The following CACNA2D3 variants were observed in gnomAD, a reference collection of about 807,000 sequenced individuals.
The protein encoded by CACNA2D3 is calcium voltage-gated channel auxiliary subunit alpha2delta 3, also known as voltage-dependent calcium channel subunit alpha-2/delta-3.
In CACNA2D3, 60 loss-of-function variants were observed where a neutral mutation model predicts 160.6. The observed-to-expected ratio is 0.37, with a 90% CI of 0.30 to 0.46. CACNA2D3 has a LOEUF of 0.46. Among genes scored for constraint, CACNA2D3 ranks in the 20% least tolerant of loss-of-function variants. CACNA2D3 has a pLI of 1.00. For missense variants in CACNA2D3, 1,205 were observed against 1,365.0 expected (o/e 0.88, Z 1.85); for synonymous variants, 558 against 492.9 (o/e 1.13, Z -1.75).
chr3:55,005,329 A>G (rs921001112), intron 32 of CACNA2D3, among the ~76,000 whole-genome samples: 1 of 152,206 alleles, frequency 6.6e-6, no homozygotes, highest in African/African-American at 2.4e-5. Context: ...CCACTGCTAT[A>G]TCAACTGAAA....
chr3:54,561,144 T>C (rs1702318433), intron 5 of CACNA2D3, among the ~76,000 whole-genome samples: 1 of 152,260 alleles, frequency 6.6e-6, no homozygotes, highest in Admixed American at 6.5e-5. Flanking sequence ...GGATTAGCAT[T>C]CAATCTATGA....
At chr3:54,854,996 A>T (rs1236587488) in intron 17 of CACNA2D3, among the ~76,000 whole-genome samples, 1 of 152,146 alleles carries the variant, frequency 6.6e-6, no homozygotes, top group African/African-American at 2.4e-5. Context: ...AAGCTTATTC[A>T]ACTGAAAGAA....
chr3:54,850,482 C>T lies in CACNA2D3; in HGVS notation c.1626+4015C>T, dbSNP rs546146664. On this transcript the variant is annotated intron_variant, in intron 17 of 37. Coordinates refer to ENST00000474759, the MANE Select transcript of CACNA2D3 (RefSeq NM_018398.3). ...TTTGTTTTCTTGCTTTTTATAATTC[C>T]TTTGTATTTGAGAGCTTTAGGAATT... Among the ~76,000 whole-genome samples, 5 of 152,190 alleles carry T rather than the reference C, an allele frequency of 3.3e-5. No individual in the cohort carries two copies. In the South Asian group the frequency reaches 1.0e-3, roughly 31 times the overall value.
chr3:54,685,139 A>G (rs766752211), intron 11 of CACNA2D3, among the ~76,000 whole-genome samples: 4 of 152,180 alleles, frequency 2.6e-5, no homozygotes, highest in Non-Finnish European at 5.9e-5. Flanking sequence ...CAACAGCCGA[A>G]AAATGCAGAG....
At chr3:54,488,083 C>A (rs187641614) in intron 4 of CACNA2D3, among the ~76,000 whole-genome samples, 2 of 152,304 alleles carry the variant, frequency 1.3e-5, no homozygotes, top group Admixed American at 6.5e-5. Context: ...ACAGTAAATG[C>A]AAACATTCTG....
chr3:54,755,018 C>G (rs1448337651), intron 12 of CACNA2D3, among the ~76,000 whole-genome samples: 4 of 152,154 alleles, frequency 2.6e-5, no homozygotes, highest in African/African-American at 4.8e-5. Flanking sequence ...ATTCTTCTTC[C>G]TTGTAGATAG....
intron 11 of CACNA2D3, among the ~76,000 whole-genome samples, chr3:54,680,389 G>A (rs1241838872): frequency 5.3e-5 from 8 of 152,218 alleles, no homozygotes; most frequent in African/African-American, 1.9e-4. Flanking sequence ...TTCTGAGGCT[G>A]TGCTGATGAA....
chr3:54,159,850 T>A (rs1052880287), intron 2 of CACNA2D3, among the ~76,000 whole-genome samples: 5 of 152,156 alleles, frequency 3.3e-5, no homozygotes, highest in South Asian at 4.1e-4. Flanking sequence ...GACAAAATCA[T>A]GAATAGGAAA....
chr3:54,862,819 G>A (rs139843004), intron 17 of CACNA2D3, among the ~76,000 whole-genome samples: 4 of 152,278 alleles, frequency 2.6e-5, no homozygotes, highest in African/African-American at 7.2e-5. Flanking sequence ...ACATTTTGTA[G>A]TGTTGATGGA....
At chr3:54,793,290 A>C (rs17766478) in intron 13 of CACNA2D3, among the ~76,000 whole-genome samples, 1,525 of 152,358 alleles carry the variant, frequency 0.01, 21 homozygotes, top group Non-Finnish European at 0.016. Flanking sequence ...AAGTGAAGTG[A>C]GAGCCAAGAC....
At chr3:54,732,761 C>G (rs1375117822) in intron 11 of CACNA2D3, among the ~76,000 whole-genome samples, 2 of 152,192 alleles carry the variant, frequency 1.3e-5, no homozygotes, top group Admixed American at 6.5e-5. Flanking sequence ...TCACTGACTG[C>G]TGACCTTTGG....
At chr3:54,971,980 T>TTATCATTA (rs1702283685) in intron 29 of CACNA2D3, among the ~76,000 whole-genome samples, 1 of 151,582 alleles carries the variant, frequency 6.6e-6, no homozygotes, top group African/African-American at 2.4e-5. Flanking sequence ...ATGATAAGCA[T>TTATCATTA]TCAATAAATG....
At chr3:54,705,152 T>C (rs1029410613) in intron 11 of CACNA2D3, among the ~76,000 whole-genome samples, 1 of 152,232 alleles carries the variant, frequency 6.6e-6, no homozygotes, top group Non-Finnish European at 1.5e-5. Flanking sequence ...ATGTACTGAA[T>C]ACCCACTATC....
intron 2 of CACNA2D3, among the ~76,000 whole-genome samples, chr3:54,167,642 A>G (rs1700485253): frequency 6.6e-6 from 1 of 152,184 alleles, no homozygotes; most frequent in African/African-American, 2.4e-5. Flanking sequence ...TCTAGAGGTC[A>G]TCTTGTTTAC....
intron 4 of CACNA2D3, among the ~76,000 whole-genome samples, chr3:54,433,974 G>A (rs1700025577): frequency 6.6e-6 from 1 of 152,202 alleles, no homozygotes; most frequent in Non-Finnish European, 1.5e-5. Context: ...CCCACCTGGT[G>A]GTGTCAGCGG....
At chr3:54,562,698 G>A in intron 5 of CACNA2D3, 102 bp from the exon 6 acceptor site, 1 of 975,406 alleles carries the variant, frequency 1.0e-6, no homozygotes, top group South Asian at 1.5e-5. Flanking sequence ...CCTGCAAGAT[G>A]GAGTACCTTG....
chr3:54,299,348 C>T (rs1046024169), intron 2 of CACNA2D3, among the ~76,000 whole-genome samples: 2 of 152,146 alleles, frequency 1.3e-5, no homozygotes, highest in Admixed American at 6.5e-5. Context: ...GTCCCAGTCC[C>T]GCTCCGCTAG....
intron 3 of CACNA2D3, among the ~76,000 whole-genome samples, chr3:54,338,723 C>T (rs1358744944): frequency 3.3e-5 from 5 of 152,034 alleles, no homozygotes; most frequent in Admixed American, 6.6e-5. Flanking sequence ...GCCTCTTGAT[C>T]GCTTTGTGAC....
intron 17 of CACNA2D3, among the ~76,000 whole-genome samples, chr3:54,855,037 G>T (rs1424816246): frequency 6.6e-6 from 1 of 152,154 alleles, no homozygotes; most frequent in Non-Finnish European, 1.5e-5. Context: ...GTGTCCTCAG[G>T]TTATTTGACA....
Sources: gnomAD v4.1 joint callset for allele counts (sites outside exome capture counted in the v4.1 genomes callset) on GRCh38, gnomAD v4.1.1 for gene constraint, MANE v1.5 for transcripts, NCBI Gene and HGNC (gene_info 2026-07-23, HGNC 2026-07-21) for gene names.